Variants in CSMD3 observed in about 807,000 individuals in gnomAD.
The protein encoded by CSMD3 is CUB and sushi domain-containing protein 3.
Under a neutral mutation model 435.2 loss-of-function variants are expected in CSMD3, and 177 were observed. The observed-to-expected ratio is 0.41, with a 90% CI of 0.36 to 0.46. The LOEUF (loss-of-function observed/expected upper bound fraction) is 0.46, where lower values mean the gene tolerates loss of function less well. Among genes scored for constraint, CSMD3 ranks in the 20% least tolerant of loss-of-function variants. CSMD3 has a pLI of 0.34. For synonymous variants in CSMD3, 1,656 were observed against 1,520.5 expected (o/e 1.09, Z -2.07); for missense variants, 4,265 against 4,504.6 (o/e 0.95, Z 1.52).
chr8:112,672,018 A>G (rs1029010106), intron 16 of CSMD3, among the ~76,000 whole-genome samples: 4 of 152,058 alleles, frequency 2.6e-5, no homozygotes, highest in Non-Finnish European at 5.9e-5. Flanking sequence ...TCTATGTGAT[A>G]TTATATCTGC....
At chr8:112,271,567 T>C (rs552476140) in intron 59 of CSMD3, among the ~76,000 whole-genome samples, 6 of 152,154 alleles carry the variant, frequency 3.9e-5, no homozygotes, top group Non-Finnish European at 8.8e-5. Context: ...TTGAGTGAAA[T>C]AGACTAGGGT....
intron 13 of CSMD3, among the ~76,000 whole-genome samples, chr8:112,711,141 C>T (rs1052235759): frequency 6.6e-6 from 1 of 151,974 alleles, no homozygotes; most frequent in Non-Finnish European, 1.5e-5. Flanking sequence ...TAAGTGCTTA[C>T]AAATGAAGAT....
chr8:112,918,458 A>G (rs2082636493), intron 10 of CSMD3, among the ~76,000 whole-genome samples: 1 of 151,738 alleles, frequency 6.6e-6, no homozygotes, highest in South Asian at 2.1e-4. Context: ...TCTTCAGTCT[A>G]TTATTATTAA....
intron 42 of CSMD3, among the ~76,000 whole-genome samples, chr8:112,338,304 G>C (rs1824772429): frequency 6.6e-6 from 1 of 152,164 alleles, no homozygotes; most frequent in Non-Finnish European, 1.5e-5. Flanking sequence ...GGGCAATGCA[G>C]TATAATTGCC....
chr8:112,425,344 G>T (rs1382724066), intron 32 of CSMD3, among the ~76,000 whole-genome samples: 1 of 151,962 alleles, frequency 6.6e-6, no homozygotes, highest in Non-Finnish European at 1.5e-5. Flanking sequence ...ATGTTAATTT[G>T]GACTTAATTT....
chr8:113,129,677 A>T (rs1315224551), intron 4 of CSMD3, among the ~76,000 whole-genome samples: 1 of 152,146 alleles, frequency 6.6e-6, no homozygotes, highest in Admixed American at 6.5e-5. Context: ...AGAATCATGG[A>T]GAGAGCCAGC....
At chr8:113,257,897 T>A (rs927200581) in intron 3 of CSMD3, among the ~76,000 whole-genome samples, 7 of 151,912 alleles carry the variant, frequency 4.6e-5, no homozygotes, top group Non-Finnish European at 8.8e-5. Context: ...AAGAAAAAAA[T>A]TTTTTTTAAT....
chr8:113,065,008 TA>T (rs559327065), intron 5 of CSMD3, among the ~76,000 whole-genome samples: 3 of 152,144 alleles, frequency 2.0e-5, no homozygotes, highest in Non-Finnish European at 4.4e-5. Context: ...ATGGAACAAT[TA>T]AATTATGTGG....
At chr8:112,428,609 A>G (rs2123489) in intron 32 of CSMD3, among the ~76,000 whole-genome samples, 34,565 of 152,092 alleles carry the variant, frequency 0.23, 4,294 homozygotes, top group East Asian at 0.44. Context: ...GAGGAGTCCA[A>G]TACATTAGCA....
intron 41 of CSMD3, among the ~76,000 whole-genome samples, chr8:112,342,970 A>ATTATATATATATATATTTATATATATAT: frequency 1.1e-5 from 1 of 87,224 alleles, no homozygotes; most frequent in East Asian, 4.3e-4. Flanking sequence ...CTTGAAATGT[A>ATTATATATATATATATTTATATATATAT]TTATATATAT....
intron 6 of CSMD3, 40 bp from the exon 7 acceptor site, chr8:112,976,188 T>A: frequency 1.2e-6 from 2 of 1,602,722 alleles, no homozygotes; most frequent in East Asian, 4.5e-5. Context: ...CTTTTTCTTT[T>A]TAAATTTTGT....
intron 1 of CSMD3, among the ~76,000 whole-genome samples, chr8:113,359,336 T>C (rs1457490596): frequency 6.6e-6 from 1 of 152,210 alleles, no homozygotes; most frequent in Non-Finnish European, 1.5e-5. Context: ...CAAGAGTCTC[T>C]GGAGAGACTG....
intron 27 of CSMD3, among the ~76,000 whole-genome samples, chr8:112,546,592 C>T (rs1827202021): frequency 6.6e-6 from 1 of 152,124 alleles, no homozygotes; most frequent in African/African-American, 2.4e-5. Flanking sequence ...AATGCTCTGT[C>T]AGAATCTACT....
At chr8:112,257,676 G>A (rs1228483066) in intron 61 of CSMD3, among the ~76,000 whole-genome samples, 1 of 152,142 alleles carries the variant, frequency 6.6e-6, no homozygotes, top group Non-Finnish European at 1.5e-5. Flanking sequence ...TGGATAGGAA[G>A]AATTAATATT....
Position 112,619,938 on chromosome 8 carries a change from G to A in CSMD3, c.3715+16879C>T, listed in dbSNP as rs142145352. 5.9e-5 allele frequency among the ~76,000 whole-genome samples: 7 copies of A among 118,180 alleles called. No individual in the cohort carries two copies. In the East Asian group the frequency reaches 9.0e-4, roughly 15 times the overall value. 77.5% of individuals were successfully genotyped at this position (118,180 alleles called of 152,430 possible). Reference sequence around the variant, plus strand: ...TAAAGCATCACCCATGAAGGACTACGGTAAAAACAAACAACAAAAAAAGTT... The same window carrying A: ...TAAAGCATCACCCATGAAGGACTACAGTAAAAACAAACAACAAAAAAAGTT... On this transcript the variant is annotated intron_variant, in intron 22 of 70. Transcript: ENST00000297405.
intron 7 of CSMD3, among the ~76,000 whole-genome samples, chr8:112,966,778 G>A (rs972269030): frequency 6.6e-6 from 1 of 151,812 alleles, no homozygotes; most frequent in African/African-American, 2.4e-5. Flanking sequence ...ACTAATTAGT[G>A]TCATTAACAT....
chr8:112,782,730 C>A (rs2078423118), intron 13 of CSMD3, among the ~76,000 whole-genome samples: 1 of 151,892 alleles, frequency 6.6e-6, no homozygotes, highest in Admixed American at 6.6e-5. Context: ...CAATGGAACT[C>A]CACTATGCCT....
chr8:113,070,877 A>G (rs894305353), intron 5 of CSMD3, among the ~76,000 whole-genome samples: 3 of 152,006 alleles, frequency 2.0e-5, no homozygotes, highest in African/African-American at 7.2e-5. Context: ...TCTACTTACA[A>G]TTTTTTGAGG....
intron 13 of CSMD3, among the ~76,000 whole-genome samples, chr8:112,793,231 T>C (rs561088863): frequency 1.4e-5 from 2 of 148,092 alleles, no homozygotes; most frequent in East Asian, 3.9e-4. Flanking sequence ...CAAAATGGCA[T>C]TAAGACACAG....
Sources: gnomAD v4.1 joint callset for allele counts (sites outside exome capture counted in the v4.1 genomes callset) on GRCh38, gnomAD v4.1.1 for gene constraint, MANE v1.5 for transcripts, NCBI Gene and HGNC (gene_info 2026-07-23, HGNC 2026-07-21) for gene names.